FOXO3: variants seen among roughly 807,000 people sequenced by gnomAD.
The protein encoded by FOXO3 is forkhead box O3.
In FOXO3, 4 loss-of-function variants were observed where a neutral mutation model predicts 41.9. The ratio of observed to expected loss-of-function variants is 0.10; its 90% CI spans 0.05 to 0.22. FOXO3 has a LOEUF of 0.22. FOXO3 is among the 10% of genes least tolerant of loss of function. The pLI, the probability that FOXO3 is intolerant of heterozygous loss-of-function variation, is 1.00. For missense variants in FOXO3, 534 were observed against 906.8 expected (o/e 0.59, Z 5.28); for synonymous variants, 318 against 389.3 (o/e 0.82, Z 2.16).
intron 1 of FOXO3, among the ~76,000 whole-genome samples, chr6:108,600,843 A>G (rs1394727175): frequency 6.6e-6 from 1 of 152,172 alleles, no homozygotes; most frequent in African/African-American, 2.4e-5. Context: ...TCTTATTTTT[A>G]AATAATTGTA....
At chr6:108,662,007 A>G (rs576142831) in intron 1 of FOXO3, among the ~76,000 whole-genome samples, 1 of 152,204 alleles carries the variant, frequency 6.6e-6, no homozygotes, top group African/African-American at 2.4e-5. Flanking sequence ...TGGATATATT[A>G]TTATTAACTT....
chr6:108,658,570 C>T (rs777669787), intron 1 of FOXO3, among the ~76,000 whole-genome samples: 19 of 152,110 alleles, frequency 1.2e-4, no homozygotes, highest in South Asian at 4.2e-4. Context: ...TTTTTTGAGA[C>T]GGAATCTCAC....
chr6:108,663,860 C>T lies in FOXO3; in HGVS notation c.1027C>T (p.Leu343Phe). 6.2e-7 allele frequency: 1 copy of T among 1,614,034 alleles called. No homozygotes were observed. Among genetic ancestry groups the T allele is most frequent in the South Asian group, 1.1e-5 (1 of 91,080 alleles). The change falls in exon 2 of 3, where the codon CTC (leucine) becomes TTC (phenylalanine). Residue 343 changes from leucine (L) to phenylalanine (F), a missense_variant. This residue lies in a region of FOXO3 where 185 missense variants were observed against 224.9 expected (regional missense o/e 0.82). Coordinates refer to ENST00000406360, the MANE Select transcript of FOXO3 (RefSeq NM_001455.4). ...TGAAGTCCAGGACGATGATGCGCCT[C>T]TCTCGCCCATGCTCTACAGCAGCTC... ...LDEVQDDDAPLSPMLYSSSAS... is the reference protein window; with the variant it reads ...LDEVQDDDAPFSPMLYSSSAS...
intron 1 of FOXO3, chr6:108,639,594 A>G (rs1470044259): frequency 2.0e-6 from 2 of 985,054 alleles, no homozygotes; most frequent in Admixed American, 1.2e-4. Flanking sequence ...GTGGAGGTGG[A>G]CCCTGCCTCA....
At chr6:108,602,124 G>A (rs902913548) in intron 1 of FOXO3, among the ~76,000 whole-genome samples, 66 of 152,082 alleles carry the variant, frequency 4.3e-4, no homozygotes, top group Admixed American at 3.8e-3. Flanking sequence ...TAGTTTTTCT[G>A]CTGTTATAAA....
chr6:108,665,331 T>C (rs1291485691), intron 2 of FOXO3, among the ~76,000 whole-genome samples: 1 of 152,232 alleles, frequency 6.6e-6, no homozygotes. Context: ...ACCGCTTTTG[T>C]CAATCTTCAG....
intron 1 of FOXO3, among the ~76,000 whole-genome samples, chr6:108,609,018 C>T (rs1321735981): frequency 6.6e-6 from 1 of 152,112 alleles, no homozygotes; most frequent in African/African-American, 2.4e-5. Context: ...GTGAGCTGGA[C>T]CTCAAGCTAT....
At chr6:108,590,722 A>T (rs1023308432) in intron 1 of FOXO3, among the ~76,000 whole-genome samples, 5 of 152,262 alleles carry the variant, frequency 3.3e-5, no homozygotes, top group Non-Finnish European at 7.3e-5. Context: ...TTTAGAGTTT[A>T]CAATGGCCAA....
chr6:108,630,713 C>A (rs539154113), intron 1 of FOXO3, among the ~76,000 whole-genome samples: 1 of 152,196 alleles, frequency 6.6e-6, no homozygotes, highest in African/African-American at 2.4e-5. Flanking sequence ...ATAAGTCTTA[C>A]CACTTCTCTC....
At chr6:108,643,556 TTTTG>T (rs1206414168) in intron 1 of FOXO3, among the ~76,000 whole-genome samples, 11 of 152,304 alleles carry the variant, frequency 7.2e-5, no homozygotes, top group African/African-American at 2.4e-4. Context: ...TGTTTTTGAT[TTTTG>T]TTTGTTTGTG....
At chr6:108,594,516 T>G (rs1776820908) in intron 1 of FOXO3, among the ~76,000 whole-genome samples, 1 of 152,138 alleles carries the variant, frequency 6.6e-6, no homozygotes, top group South Asian at 2.1e-4. Context: ...GCATGCAGCA[T>G]TTTCTTCCCT....
intron 1 of FOXO3, among the ~76,000 whole-genome samples, chr6:108,584,148 A>G (rs1370445104): frequency 6.6e-6 from 1 of 152,192 alleles, no homozygotes; most frequent in African/African-American, 2.4e-5. Flanking sequence ...ATGGACATAC[A>G]AGTGGGCATT....
chr6:108,660,609 G>C (rs1486131169), intron 1 of FOXO3, among the ~76,000 whole-genome samples: 1 of 152,228 alleles, frequency 6.6e-6, no homozygotes, highest in African/African-American at 2.4e-5. Flanking sequence ...GCTCATGCCT[G>C]TAATCCCAGC....
chr6:108,592,821 A>T (rs1045930914), intron 1 of FOXO3, among the ~76,000 whole-genome samples: 65 of 152,264 alleles, frequency 4.3e-4, no homozygotes, highest in Admixed American at 2.7e-3. Context: ...CTGAGAAGCC[A>T]TTGGTTGGGA....
In FOXO3 at chr6:108,680,751, G is replaced by GAAAAAAAAAA. The variant is rs34312944; in HGVS notation, c.*964_*973dup. On this transcript the variant is annotated 3_prime_UTR_variant, in exon 3 of 3. Transcript: ENST00000406360. ...GTTTAGTTTTAAGGAGAAAGAAAAGGAAAAAAAAAAAAAACAAAAAAGTCC... is the reference window on the plus strand; with the variant it reads ...GTTTAGTTTTAAGGAGAAAGAAAAGGAAAAAAAAAAAAAAAAAAAAAAAACAAAAAAGTCC... 2.2e-5 allele frequency: 3 copies of GAAAAAAAAAA among 137,236 alleles called. No homozygotes were observed. Among genetic ancestry groups the GAAAAAAAAAA allele is most frequent in the Non-Finnish European group, 3.1e-5 (2 of 64,004 alleles). The allele number at this position is 137,236 out of a possible 1,614,324, so 8.5% of individuals were successfully genotyped here.
At chr6:108,656,288 C>G in intron 1 of FOXO3, 1 of 801,474 alleles carries the variant, frequency 1.2e-6, no homozygotes. Flanking sequence ...CCACATGTTG[C>G]TTCCAGACAA....
intron 1 of FOXO3, chr6:108,639,553 G>A (rs1450065892): frequency 2.0e-6 from 2 of 985,220 alleles, no homozygotes; most frequent in Non-Finnish European, 2.4e-6. Context: ...CAAGGTGACA[G>A]CAATGACAGT....
chr6:108,598,582 CA>C, intron 1 of FOXO3, among the ~76,000 whole-genome samples: 1 of 152,246 alleles, frequency 6.6e-6, no homozygotes, highest in Admixed American at 6.5e-5. Context: ...TTACGCACAA[CA>C]TGAGTCAGAA....
intron 1 of FOXO3, among the ~76,000 whole-genome samples, chr6:108,589,908 C>T (rs1056204280): frequency 2.6e-5 from 4 of 152,184 alleles, no homozygotes; most frequent in African/African-American, 9.7e-5. Flanking sequence ...AAAACAAAAG[C>T]ATGCTGCCAG....
Sources: gnomAD v4.1 joint callset for allele counts (sites outside exome capture counted in the v4.1 genomes callset) on GRCh38, gnomAD v4.1.1 for gene constraint, gnomAD v4.1.1 regional missense constraint, MANE v1.5 for transcripts, NCBI Gene and HGNC (gene_info 2026-07-23, HGNC 2026-07-21) for gene names.